Variants in SLFN14 observed in about 807,000 individuals in gnomAD.
SLFN14 encodes the protein protein SLFN14.
A neutral mutation model predicts 58.6 loss-of-function variants in SLFN14; 47 were observed. That is an observed-to-expected ratio of 0.80 (90% CI 0.64 to 1.02). SLFN14 has a LOEUF of 1.02. SLFN14 is among the 50% of genes least tolerant of loss of function. The pLI is 0.00. For missense variants in SLFN14, 967 were observed against 1,078.4 expected (o/e 0.90, Z 1.45); for synonymous variants, 390 against 387.3 (o/e 1.01, Z -0.08).
chr17:35,550,727 A>G (rs2072578432), intron 5 of SLFN14, among the ~76,000 whole-genome samples: 1 of 152,236 alleles, frequency 6.6e-6, no homozygotes, highest in Admixed American at 6.5e-5. Context: ...ACCAAGCCAA[A>G]AATCATAATG....
Position 35,548,674 on chromosome 17 carries a change from A to G in SLFN14, c.2304T>C (p.Thr768=). The part of the protein sequence containing the change: ...SPDTLALFSE[T]AYEEATCAQA... ...GGGCACACGTTGCTTCCTCATAGGC[A>G]GTCTCGCTGAACAATGCTAATGTGT... is the stretch of plus-strand genomic sequence containing the variant. Residue 768 remains threonine, a synonymous_variant, in exon 6 of 6, where the codon ACT becomes ACC. Transcript: ENST00000674182. 1.3e-6 allele frequency: 2 copies of G among 1,551,776 alleles called. No homozygotes were observed. The highest frequency in any genetic ancestry group is 1.7e-6 in the Non-Finnish European group (2 of 1,147,006).
Position 35,545,464 on chromosome 17 carries a change from A to G in SLFN14, c.*2775T>C, listed in dbSNP as rs1332822215. Among the ~76,000 whole-genome samples the G allele has an allele frequency of 6.6e-6, 1 of 152,136 alleles. No individual in the cohort carries two copies. Among genetic ancestry groups the G allele is most frequent in the Non-Finnish European group, 1.5e-5 (1 of 68,016 alleles). On this transcript the variant is annotated 3_prime_UTR_variant, in exon 6 of 6. Transcript: ENST00000674182. ...AAGAACAGACTAGGAGAAGGGTTCAATGGTTCTCAACCCTTGTGACATATT... is the reference window on the plus strand; with the variant it reads ...AAGAACAGACTAGGAGAAGGGTTCAGTGGTTCTCAACCCTTGTGACATATT...
At position 35,545,667 on chromosome 17, in the gene SLFN14, T is replaced by A. The variant is rs1035002008; in HGVS notation, c.*2572A>T. Among the ~76,000 whole-genome samples the A allele has an allele frequency of 3.3e-5, 5 of 152,208 alleles. No individual in the cohort carries two copies. The highest frequency in any genetic ancestry group is 1.2e-4 in the African/African-American group (5 of 41,520). ...GCACCACCATGCCCAACTAAGTTTT[T>A]AAAAAAATTTTTTTTGTAGAGATGG... On this transcript the variant is annotated 3_prime_UTR_variant, in exon 6 of 6. Transcript: ENST00000674182.
intron 3 of SLFN14, among the ~76,000 whole-genome samples, chr17:35,555,531 G>A (rs187345096): frequency 2.8e-5 from 4 of 142,890 alleles, no homozygotes; most frequent in African/African-American, 1.1e-4. Flanking sequence ...CAGCCTAGGC[G>A]ACAAAGCAAG....
chr17:35,553,551 A>C, intron 4 of SLFN14, 107 bp from the exon 5 acceptor site: 1 of 887,012 alleles, frequency 1.1e-6, no homozygotes, highest in Non-Finnish European at 1.7e-6. Context: ...GGAAAATAAG[A>C]GCTTTCCTTT....
At position 35,557,538 on chromosome 17, in the gene SLFN14, T is replaced by C; in HGVS notation, c.525A>G (p.Arg175=). The change falls in exon 3 of 6, where the codon AGA becomes AGG. Residue 175 remains arginine (R), a synonymous_variant. Transcript: ENST00000674182. ...TCATATCTTCCTCTTCCTGAATGCATCTATTGAGAACCTGCTGAGGATGCA... is the reference window on the plus strand; with the variant it reads ...TCATATCTTCCTCTTCCTGAATGCACCTATTGAGAACCTGCTGAGGATGCA... ...KKLHPQQVLN[R]CIQEEEDMRI... The C allele has an allele frequency of 1.3e-6, 2 of 1,551,678 alleles. No homozygotes were observed. Among genetic ancestry groups the C allele is most frequent in the African/African-American group, 1.4e-5 (1 of 73,170 alleles).
chr17:35,558,752 A>G (rs1001683986), intron 2 of SLFN14, among the ~76,000 whole-genome samples: 11 of 152,220 alleles, frequency 7.2e-5, no homozygotes, highest in Non-Finnish European at 1.3e-4. Flanking sequence ...TATAAAGGGC[A>G]TGGGTTGGCA....
intron 2 of SLFN14, among the ~76,000 whole-genome samples, chr17:35,558,552 G>A (rs1215854596): frequency 2.0e-5 from 3 of 151,538 alleles, no homozygotes; most frequent in South Asian, 2.1e-4. Context: ...GTGAGCCACC[G>A]CACCCAACTG....
chr17:35,558,460 T>A (rs917453776), intron 2 of SLFN14, among the ~76,000 whole-genome samples: 1 of 148,250 alleles, frequency 6.7e-6, no homozygotes, highest in African/African-American at 2.5e-5. Flanking sequence ...TTCTTGCTAT[T>A]TTTTTTTTTT....
Position 35,548,908 on chromosome 17 carries a change from T to A in SLFN14, c.2070A>T (p.Gly690=). 1 of 1,551,736 alleles carries A rather than the reference T, an allele frequency of 6.4e-7. No individual in the cohort carries two copies. Reference sequence around the variant, plus strand: ...GAATCCCATGGTGAAGGTTTTCACTTCCAGTCCCCTTCGCCTTTGGATGGG... The same window carrying A: ...GAATCCCATGGTGAAGGTTTTCACTACCAGTCCCCTTCGCCTTTGGATGGG... ...NITHPKAKGT[G]SENLHHGILW... is the part of the protein sequence containing the mutation. Residue 690 remains glycine, a synonymous_variant, in exon 6 of 6, where the codon GGA becomes GGT. Transcript: ENST00000674182.
rs1294305971 is a variant in SLFN14 at position 35,544,887 on chromosome 17, T to C, written c.*3352A>G. Among the ~76,000 whole-genome samples the C allele has an allele frequency of 6.6e-6, 1 of 152,172 alleles. No homozygotes were observed. The highest frequency in any genetic ancestry group is 1.5e-5 in the Non-Finnish European group (1 of 68,034). The stretch of plus-strand genomic sequence containing the variant: ...TTCCGAAGCTTCCATGATAATATTA[T>C]ATTACCCTTCTTTTTAAAAGTAAGT... On this transcript the variant is annotated 3_prime_UTR_variant, in exon 6 of 6. Transcript: ENST00000674182.
At position 35,557,358 on chromosome 17, in the gene SLFN14, A is replaced by G. The variant is rs1298410043; in HGVS notation, c.705T>C (p.Phe235=). ...GGACATATCCCCCTTGAGTGTTGGC[A>G]AATGCAGAAACATAATGAGGCAGCA... ...KEMLPHYVSA[F]ANTQGGYVLI... The change falls in exon 3 of 6, where the codon TTT becomes TTC. Residue 235 remains phenylalanine (F), a synonymous_variant. Transcript: ENST00000674182. 7 of 1,551,576 alleles carry G rather than the reference A, an allele frequency of 4.5e-6. No homozygotes were observed. The East Asian group carries it at 1.7e-4, about 38-fold the overall frequency.
At chr17:35,555,602 A>C (rs1431114695) in intron 3 of SLFN14, among the ~76,000 whole-genome samples, 1 of 152,102 alleles carries the variant, frequency 6.6e-6, no homozygotes, top group Non-Finnish European at 1.5e-5. Flanking sequence ...ATCTAAGGTT[A>C]GATGGAATCA....
chr17:35,553,530 T>C (rs2072618538), intron 4 of SLFN14, 86 bp from the exon 5 acceptor site: 2 of 1,037,412 alleles, frequency 1.9e-6, no homozygotes, highest in African/African-American at 1.6e-5. Flanking sequence ...AAATGATACC[T>C]GGTGCATTTG....
Position 35,556,195 on chromosome 17 carries a change from G to A in SLFN14, c.1060+808C>T, listed in dbSNP as rs749996595. On this transcript the variant is annotated intron_variant, in intron 3 of 5. Coordinates refer to ENST00000674182, the MANE Select transcript of SLFN14 (RefSeq NM_001129820.2). ...TGGGACTACAGGCATACACCACCAC[G>A]CCTGGCTAATTTTTATATTTGGGGG... Among the ~76,000 whole-genome samples the A allele has an allele frequency of 5.9e-5, 9 of 151,800 alleles. 1 individual carries two copies. The highest frequency in any genetic ancestry group is 3.9e-4 in the Admixed American group (6 of 15,224).
In SLFN14 at chr17:35,557,222, A is replaced by T. The variant is rs2072660314; in HGVS notation, c.841T>A (p.Phe281Ile). The change falls in exon 3 of 6, where the codon TTC becomes ATC. Residue 281 changes from phenylalanine to isoleucine, a missense_variant. Coordinates refer to ENST00000674182, the MANE Select transcript of SLFN14 (RefSeq NM_001129820.2). ...TTTGGCTTCTCACAGCAGAAGTGGAATGTAGGCAATTTTTCTATGCAGTTT... is the reference window on the plus strand; with the variant it reads ...TTTGGCTTCTCACAGCAGAAGTGGATTGTAGGCAATTTTTCTATGCAGTTT... Reference protein sequence around the residue: ...IENCIEKLPTFHFCCEKPKVN... With the variant: ...IENCIEKLPTIHFCCEKPKVN... 7.1e-6 allele frequency: 11 copies of T among 1,551,746 alleles called. No individual in the cohort carries two copies. Among genetic ancestry groups the T allele is most frequent in the Non-Finnish European group, 8.7e-6 (10 of 1,146,996 alleles).
intron 5 of SLFN14, among the ~76,000 whole-genome samples, chr17:35,551,327 C>T (rs1236820689): frequency 6.6e-6 from 1 of 152,196 alleles, no homozygotes; most frequent in Non-Finnish European, 1.5e-5. Context: ...ACTCTTCCCA[C>T]ACGAATAGTC....
chr17:35,558,141 A>T (rs759525293), intron 2 of SLFN14, 35 bp from the exon 3 acceptor site: 29 of 1,228,064 alleles, frequency 2.4e-5, no homozygotes, highest in Non-Finnish European at 3.1e-5. Flanking sequence ...TTCTATATTA[A>T]TAAGAATTCC....
intron 2 of SLFN14, among the ~76,000 whole-genome samples, chr17:35,559,081 G>A (rs2072679743): frequency 6.6e-6 from 1 of 151,772 alleles, no homozygotes; most frequent in African/African-American, 2.4e-5. Context: ...TAAACATTAG[G>A]CAGGTATGGT....
Sources: allele counts gnomAD v4.1 joint callset (sites outside exome capture counted in the v4.1 genomes callset), GRCh38; gene constraint gnomAD v4.1.1; transcripts MANE v1.5; gene names NCBI Gene and HGNC (gene_info 2026-07-23, HGNC 2026-07-21).